Variants in BRINP3 observed in about 807,000 individuals in gnomAD.
BRINP3 encodes BMP/retinoic acid inducible neural specific 3.
BRINP3 carries 19 observed loss-of-function variants against 71.0 expected under a neutral mutation model. The observed-to-expected ratio is 0.27, with a 90% CI of 0.19 to 0.39. The LOEUF is 0.39. Among genes scored for constraint, BRINP3 ranks in the 10% least tolerant of loss-of-function variants. The probability of loss-of-function intolerance (pLI) is 1.00; values close to 1 mark genes in which losing one functional copy is unlikely to be tolerated. For synonymous variants in BRINP3, 380 were observed against 337.7 expected (o/e 1.13, Z -1.37); for missense variants, 959 against 940.8 (o/e 1.02, Z -0.25).
At chr1:190,448,465 GTGTGTGT>G (rs1558296245) in intron 2 of BRINP3, among the ~76,000 whole-genome samples, 28 of 135,324 alleles carry the variant, frequency 2.1e-4, no homozygotes, top group African/African-American at 5.6e-4. Context: ...CTTGGGGTTT[GTGTGTGT>G]GTGTGTGTGT....
chr1:190,144,959 GAC>G (rs1488639315), intron 7 of BRINP3, among the ~76,000 whole-genome samples: 4 of 152,230 alleles, frequency 2.6e-5, no homozygotes, highest in African/African-American at 9.6e-5. Flanking sequence ...TATCTTTGCA[GAC>G]AGTCTTGTTT....
At position 190,472,854 on chromosome 1, in the gene BRINP3, T is replaced by C. The variant is rs74130787; in HGVS notation, c.-51+4594A>G. On this transcript the variant is annotated intron_variant, in intron 1 of 7. Coordinates refer to ENST00000367462, the MANE Select transcript of BRINP3 (RefSeq NM_199051.3). ...ACACACACACTTTGAGTCCCAATGG[T>C]TTCTTCCTACTTAGGTTTTATTTAC... Among the ~76,000 whole-genome samples the C allele has an allele frequency of 3.7e-3, 563 of 150,180 alleles. 4 individuals carry two copies. Among genetic ancestry groups the C allele is most frequent in the African/African-American group, 0.013 (524 of 40,856 alleles).
intron 6 of BRINP3, among the ~76,000 whole-genome samples, chr1:190,187,450 T>C (rs1218069144): frequency 6.6e-6 from 1 of 152,148 alleles, no homozygotes; most frequent in African/African-American, 2.4e-5. Context: ...CAAAAACCCA[T>C]TGACCAGACC....
intron 6 of BRINP3, among the ~76,000 whole-genome samples, chr1:190,179,585 T>C (rs1213179404): frequency 6.6e-6 from 1 of 152,172 alleles, no homozygotes; most frequent in Non-Finnish European, 1.5e-5. Context: ...ATTAATGCTC[T>C]ATTTTATTAT....
At chr1:190,400,092 T>G (rs1347734709) in intron 2 of BRINP3, among the ~76,000 whole-genome samples, 1 of 152,062 alleles carries the variant, frequency 6.6e-6, no homozygotes. Flanking sequence ...TACAACTAAA[T>G]GAAGATATCT....
chr1:190,338,430 A>T (rs1042380957), intron 2 of BRINP3, among the ~76,000 whole-genome samples: 2 of 152,052 alleles, frequency 1.3e-5, no homozygotes, highest in East Asian at 1.9e-4. Flanking sequence ...AGTACATGGT[A>T]ATCTAAGGGC....
intron 4 of BRINP3, among the ~76,000 whole-genome samples, chr1:190,257,543 GAGA>G (rs1204275010): frequency 2.0e-5 from 3 of 152,108 alleles, no homozygotes; most frequent in Non-Finnish European, 2.9e-5. Flanking sequence ...TGATCTTTTG[GAGA>G]AGAAGAGGTG....
intron 7 of BRINP3, among the ~76,000 whole-genome samples, chr1:190,142,485 A>AT (rs942016739): frequency 6.6e-5 from 10 of 152,226 alleles, no homozygotes; most frequent in African/African-American, 2.4e-4. Flanking sequence ...GATTCATGCT[A>AT]TTTTTTTAAG....
intron 2 of BRINP3, among the ~76,000 whole-genome samples, chr1:190,444,146 T>C (rs776208405): frequency 3.5e-5 from 5 of 144,870 alleles, no homozygotes; most frequent in Admixed American, 7.3e-5. Context: ...GGCAGGAGAA[T>C]AGTTTGAACC....
chr1:190,102,266 G>T (rs7521974), intron 7 of BRINP3, among the ~76,000 whole-genome samples: 151,557 of 152,268 alleles, frequency 1, 75,426 homozygotes, highest in Middle Eastern at 1. Flanking sequence ...TTTCACATAG[G>T]TGGTTCCCCC....
chr1:190,414,329 A>G (rs1368369398), intron 2 of BRINP3, among the ~76,000 whole-genome samples: 3 of 151,590 alleles, frequency 2.0e-5, no homozygotes, highest in African/African-American at 4.9e-5. Flanking sequence ...GGTTGAATAA[A>G]TCACTGTGTT....
intron 4 of BRINP3, among the ~76,000 whole-genome samples, 161 bp from the exon 5 acceptor site, chr1:190,234,638 G>A (rs911747663): frequency 3.9e-5 from 6 of 152,180 alleles, no homozygotes; most frequent in Middle Eastern, 3.4e-3. Context: ...TAAACATAGC[G>A]GAAAGCAGTA....
At chr1:190,462,741 A>C (rs968803547) in intron 1 of BRINP3, among the ~76,000 whole-genome samples, 4 of 152,234 alleles carry the variant, frequency 2.6e-5, no homozygotes, top group Admixed American at 2.0e-4. Context: ...TCTTGAAGTC[A>C]AACTGAATAC....
At chr1:190,415,551 A>G (rs1047520171) in intron 2 of BRINP3, among the ~76,000 whole-genome samples, 1 of 152,170 alleles carries the variant, frequency 6.6e-6, no homozygotes, top group Non-Finnish European at 1.5e-5. Context: ...AAGGATTACT[A>G]AACATATGTA....
chr1:190,346,286 T>A (rs1185195643), intron 2 of BRINP3, among the ~76,000 whole-genome samples: 1 of 152,086 alleles, frequency 6.6e-6, no homozygotes, highest in Non-Finnish European at 1.5e-5. Context: ...TTTATTTATA[T>A]GTGAAATATA....
At chr1:190,384,195 A>G (rs942393435) in intron 2 of BRINP3, among the ~76,000 whole-genome samples, 23 of 61,784 alleles carry the variant, frequency 3.7e-4, no homozygotes, top group African/African-American at 7.8e-4. Context: ...TTCAGGTTTT[A>G]TTTTTGAGAA....
chr1:190,143,014 G>C (rs1207277992), intron 7 of BRINP3, among the ~76,000 whole-genome samples: 1 of 152,086 alleles, frequency 6.6e-6, no homozygotes, highest in Non-Finnish European at 1.5e-5. Flanking sequence ...AAGAAAATAG[G>C]AGAAGAGAGC....
intron 2 of BRINP3, among the ~76,000 whole-genome samples, chr1:190,340,607 T>C (rs1028961287): frequency 6.6e-5 from 10 of 151,810 alleles, no homozygotes; most frequent in African/African-American, 9.7e-5. Flanking sequence ...ATTTGAAAAA[T>C]AGAAGACTAT....
chr1:190,212,411 C>T (rs1459510284), intron 6 of BRINP3, among the ~76,000 whole-genome samples: 1 of 151,998 alleles, frequency 6.6e-6, no homozygotes, highest in Non-Finnish European at 1.5e-5. Flanking sequence ...GATTGAATGC[C>T]TCAAAGGTCA....
Sources: allele counts gnomAD v4.1 joint callset (sites outside exome capture counted in the v4.1 genomes callset), GRCh38; gene constraint gnomAD v4.1.1; transcripts MANE v1.5; gene names NCBI Gene and HGNC (gene_info 2026-07-23, HGNC 2026-07-21).